The following TMPRSS15 variants were observed in gnomAD, a reference collection of about 807,000 sequenced individuals.
TMPRSS15 encodes the protein transmembrane serine protease 15.
TMPRSS15 carries 128 observed loss-of-function variants against 125.3 expected under a neutral mutation model. The observed-to-expected ratio is 1.02, with a 90% CI of 0.89 to 1.18. TMPRSS15 has a LOEUF of 1.18. Among genes scored for constraint, TMPRSS15 ranks in the 50% most tolerant of loss-of-function variants. TMPRSS15 has a pLI of 0.00. For synonymous variants in TMPRSS15, 446 were observed against 423.2 expected (o/e 1.05, Z -0.66); for missense variants, 1,283 against 1,212.7 (o/e 1.06, Z -0.86).
In TMPRSS15 at chr21:18,398,442, T is replaced by C. The variant is rs1601439964; in HGVS notation, c.146-113A>G. The C allele has an allele frequency of 4.6e-6, 5 of 1,098,602 alleles. No homozygotes were observed. In the East Asian group the frequency reaches 1.2e-4, roughly 27 times the overall value. The allele number at this position is 1,098,602 out of a possible 1,614,324, so 68.1% of individuals were successfully genotyped here. A position where few individuals can be genotyped will look rare whatever the true frequency, so the allele number is the denominator to read the frequency against. ...GCTCTCGCCTGATGTGTTAGCTCTG[T>C]AGTTCTTGCTTTTTCTTTGTAGTCT... On this transcript the variant is annotated intron_variant, in intron 1 of 24. Coordinates refer to ENST00000284885, the MANE Select transcript of TMPRSS15 (RefSeq NM_002772.3).
intron 1 of TMPRSS15, among the ~76,000 whole-genome samples, chr21:18,475,404 C>T (rs561443834): frequency 6.6e-6 from 1 of 152,214 alleles, no homozygotes; most frequent in Non-Finnish European, 1.5e-5. Flanking sequence ...CCAGCCTGGG[C>T]AACATGGCAA....
chr21:18,394,863 C>G (rs574737865), intron 3 of TMPRSS15, among the ~76,000 whole-genome samples: 2 of 152,238 alleles, frequency 1.3e-5, no homozygotes, highest in South Asian at 4.1e-4. Flanking sequence ...TCATTCCACT[C>G]TGACTTTCTG....
intron 1 of TMPRSS15, among the ~76,000 whole-genome samples, chr21:18,428,455 T>C (rs2076208781): frequency 6.6e-6 from 1 of 152,026 alleles, no homozygotes; most frequent in Non-Finnish European, 1.5e-5. Flanking sequence ...ATGTCAGAGG[T>C]CTTCATGACA....
At chr21:18,482,097 C>T (rs1403498533) in intron 1 of TMPRSS15, among the ~76,000 whole-genome samples, 2 of 151,310 alleles carry the variant, frequency 1.3e-5, no homozygotes, top group African/African-American at 2.4e-5. Context: ...TACATCTTCA[C>T]TTCTAATTTT....
At chr21:18,310,777 C>T (rs991979167) in intron 18 of TMPRSS15, among the ~76,000 whole-genome samples, 2 of 151,954 alleles carry the variant, frequency 1.3e-5, no homozygotes, top group Admixed American at 1.3e-4. Flanking sequence ...GCAAAAAGAA[C>T]AAAACTGGAG....
chr21:18,469,358 C>T (rs1978732745), intron 1 of TMPRSS15, among the ~76,000 whole-genome samples: 1 of 152,006 alleles, frequency 6.6e-6, no homozygotes, highest in African/African-American at 2.4e-5. Context: ...TTAGAATTTT[C>T]CTGAGGTTCT....
chr21:18,438,353 C>T (rs1419820474), intron 1 of TMPRSS15, among the ~76,000 whole-genome samples: 1 of 148,910 alleles, frequency 6.7e-6, no homozygotes, highest in East Asian at 2.0e-4. Flanking sequence ...GGAGGGATAG[C>T]ATTGGGAGAT....
At chr21:18,442,046 G>A (rs983351881) in intron 1 of TMPRSS15, among the ~76,000 whole-genome samples, 3 of 152,088 alleles carry the variant, frequency 2.0e-5, no homozygotes, top group East Asian at 1.9e-4. Context: ...TTAGTTTAAC[G>A]TAATCTCCTA....
chr21:18,279,451 G>A (rs969733973), intron 22 of TMPRSS15, among the ~76,000 whole-genome samples: 4 of 146,324 alleles, frequency 2.7e-5, no homozygotes, highest in South Asian at 2.2e-4. Context: ...TCAGCTTCCC[G>A]AGTAGCTGGG....
intron 1 of TMPRSS15, among the ~76,000 whole-genome samples, chr21:18,459,772 TAAG>T (rs916901558): frequency 5.3e-5 from 8 of 152,214 alleles, no homozygotes; most frequent in South Asian, 2.1e-4. Context: ...TCAATAAATC[TAAG>T]AAGAACTATT....
chr21:18,294,951 A>G (rs746754201), intron 19 of TMPRSS15, among the ~76,000 whole-genome samples: 45 of 152,324 alleles, frequency 3.0e-4, no homozygotes, highest in African/African-American at 8.7e-4. Flanking sequence ...GTGTTGTGAG[A>G]ATAAAAAGCA....
At chr21:18,301,380 C>T (rs1032835549) in intron 18 of TMPRSS15, among the ~76,000 whole-genome samples, 4 of 152,014 alleles carry the variant, frequency 2.6e-5, no homozygotes, top group East Asian at 1.9e-4. Flanking sequence ...TAAGAAATCA[C>T]GAGGCAATAA....
At chr21:18,413,934 A>G (rs1482239383) in intron 1 of TMPRSS15, among the ~76,000 whole-genome samples, 1 of 152,052 alleles carries the variant, frequency 6.6e-6, no homozygotes, top group East Asian at 1.9e-4. Context: ...TAATGCACTT[A>G]AAAAAATAAT....
chr21:18,442,559 T>G (rs2076244709), intron 1 of TMPRSS15, among the ~76,000 whole-genome samples: 1 of 152,210 alleles, frequency 6.6e-6, no homozygotes, highest in Non-Finnish European at 1.5e-5. Context: ...CTAGATGTTC[T>G]TAGGAGAAAA....
chr21:18,424,908 ATATAT>A (rs910259060), intron 1 of TMPRSS15, among the ~76,000 whole-genome samples: 26 of 148,822 alleles, frequency 1.7e-4, no homozygotes, highest in South Asian at 4.2e-4. Flanking sequence ...ATTAATTCAT[ATATAT>A]TATATTATAT....
intron 24 of TMPRSS15, among the ~76,000 whole-genome samples, chr21:18,273,771 A>G (rs538676823): frequency 6.6e-6 from 1 of 152,324 alleles, no homozygotes; most frequent in South Asian, 2.1e-4. Context: ...AAAAAGAAGT[A>G]TAAGACCCGA....
At chr21:18,382,883 A>G (rs968884698) in intron 4 of TMPRSS15, among the ~76,000 whole-genome samples, 3 of 152,148 alleles carry the variant, frequency 2.0e-5, no homozygotes, top group African/African-American at 4.8e-5. Flanking sequence ...CTAAGCATTT[A>G]CAATCGTATT....
rs190942604 is a variant in TMPRSS15 at position 18,398,051 on chromosome 21, A to G, written c.277-105T>C. 2.4e-5 allele frequency: 30 copies of G among 1,240,138 alleles called. No homozygotes were observed. In the African/African-American group the frequency reaches 3.9e-4, roughly 16 times the overall value. The allele number at this position is 1,240,138 out of a possible 1,614,324, so 76.8% of individuals were successfully genotyped here. A position where few individuals can be genotyped will look rare whatever the true frequency, so the allele number is the denominator to read the frequency against. On this transcript the variant is annotated intron_variant, in intron 2 of 24. Coordinates refer to ENST00000284885, the MANE Select transcript of TMPRSS15 (RefSeq NM_002772.3). ...TTTATGTTCTGCTTAGAGTTGGGGC[A>G]ATTTTCTCCATAGTAATGGGGCTCA...
At chr21:18,461,421 G>T (rs1978548810) in intron 1 of TMPRSS15, among the ~76,000 whole-genome samples, 1 of 152,022 alleles carries the variant, frequency 6.6e-6, no homozygotes, top group Non-Finnish European at 1.5e-5. Context: ...GGCTTTCTGT[G>T]TGGTGAGCAA....
Sources: allele counts gnomAD v4.1 joint callset (sites outside exome capture counted in the v4.1 genomes callset), GRCh38; gene constraint gnomAD v4.1.1; transcripts MANE v1.5; gene names NCBI Gene and HGNC (gene_info 2026-07-23, HGNC 2026-07-21).